SLC27A2: variants seen among roughly 807,000 people sequenced by gnomAD.
SLC27A2 encodes long-chain fatty acid transport protein 2.
Under a neutral mutation model 60.0 loss-of-function variants are expected in SLC27A2, and 54 were observed. That is an observed-to-expected ratio of 0.90 (90% confidence interval 0.72 to 1.13). SLC27A2 has a LOEUF of 1.13. SLC27A2 is among the 50% of genes most tolerant of loss of function. The probability of loss-of-function intolerance (pLI) is 0.00; values close to 1 mark genes in which losing one functional copy is unlikely to be tolerated. For missense variants in SLC27A2, 739 were observed against 777.6 expected, an observed-to-expected ratio of 0.95 and a Z score of 0.59; for synonymous variants, 297 against 297.6, an observed-to-expected ratio of 1.00 and a Z score of 0.02.
At chr15:50,223,188 G>A (rs761649958) in intron 5 of SLC27A2, 29 bp downstream of exon 5, 122 of 1,539,320 alleles carry the variant, frequency 7.9e-5, no homozygotes, top group Non-Finnish European at 9.9e-5. Flanking sequence ...GAGAGCATAC[G>A]TAGCCAGTTT....
At chr15:50,214,937 T>C (rs1252271825) in intron 4 of SLC27A2, among the ~76,000 whole-genome samples, 1 of 152,086 alleles carries the variant, frequency 6.6e-6, no homozygotes, top group Non-Finnish European at 1.5e-5. Flanking sequence ...CCACTCCTCT[T>C]TAACATAGTA....
At chr15:50,208,240 T>C (rs1018155889) in intron 4 of SLC27A2, among the ~76,000 whole-genome samples, 1 of 152,216 alleles carries the variant, frequency 6.6e-6, no homozygotes. Flanking sequence ...GCCCTCTTCT[T>C]AACCATATTC....
Position 50,223,203 on chromosome 15 carries a change from A to G in SLC27A2, c.1167+44A>G, listed in dbSNP as rs754442200. 3.5e-6 allele frequency: 5 copies of G among 1,445,196 alleles called. No individual in the cohort carries two copies. In the East Asian group the frequency reaches 1.2e-4, roughly 34 times the overall value. The allele number at this position is 1,445,196 out of a possible 1,614,324, so 89.5% of individuals were successfully genotyped here. On this transcript the variant is annotated intron_variant, in intron 5 of 9. Transcript: ENST00000267842. ...GAGAGCATACGTAGCCAGTTTTCAG[A>G]ATACAGAGACTTCTTAAAAGCCAAG...
intron 4 of SLC27A2, among the ~76,000 whole-genome samples, chr15:50,216,028 C>T (rs2045192979): frequency 6.6e-6 from 1 of 152,142 alleles, no homozygotes; most frequent in Non-Finnish European, 1.5e-5. Context: ...AACAGACAAC[C>T]CACGGAGTGG....
chr15:50,234,897 A>C (rs577261071), intron 9 of SLC27A2, among the ~76,000 whole-genome samples: 1 of 152,348 alleles, frequency 6.6e-6, no homozygotes, highest in East Asian at 1.9e-4. Context: ...CAGATAGCGC[A>C]AATAGAAATG....
At position 50,226,843 on chromosome 15, in the gene SLC27A2, G is replaced by A. The variant is rs1029978188; in HGVS notation, c.1259-137G>A. The A allele has an allele frequency of 6.3e-6, 4 of 639,218 alleles. No individual in the cohort carries two copies. The African/African-American group carries it at 7.3e-5, about 12-fold the overall frequency. The allele number at this position is 639,218 out of a possible 1,614,324, so 39.6% of individuals were successfully genotyped here. A position where few individuals can be genotyped will look rare whatever the true frequency, so the allele number is the denominator to read the frequency against. On this transcript the variant is annotated intron_variant, in intron 6 of 9. Transcript: ENST00000267842. ...AATATATATGTACATATAATTCACAGGTATACATGCATGGAAAATGATACT... is the reference window on the plus strand; with the variant it reads ...AATATATATGTACATATAATTCACAAGTATACATGCATGGAAAATGATACT...
chr15:50,215,055 C>G (rs1460547477), intron 4 of SLC27A2, among the ~76,000 whole-genome samples: 6 of 152,044 alleles, frequency 3.9e-5, no homozygotes, highest in Non-Finnish European at 8.8e-5. Flanking sequence ...TGATCATTTA[C>G]CTTGAAAACT....
intron 4 of SLC27A2, among the ~76,000 whole-genome samples, chr15:50,210,334 A>G (rs571402485): frequency 2.0e-5 from 3 of 152,346 alleles, no homozygotes; most frequent in South Asian, 2.1e-4. Context: ...CAACTGCAGA[A>G]GTGGGAAAGG....
intron 4 of SLC27A2, among the ~76,000 whole-genome samples, chr15:50,217,533 T>C (rs549871515): frequency 7.9e-5 from 12 of 152,168 alleles, no homozygotes; most frequent in South Asian, 6.2e-4. Flanking sequence ...AGTGTAATTC[T>C]TAGGAAGAAC....
At chr15:50,189,020 T>C (rs2140895133) in intron 1 of SLC27A2, among the ~76,000 whole-genome samples, 1 of 151,164 alleles carries the variant, frequency 6.6e-6, no homozygotes, top group African/African-American at 2.4e-5. Context: ...GATAGATAGA[T>C]AGATAGATGC....
chr15:50,235,877 T>C (rs993905776), intron 9 of SLC27A2, 43 bp from the exon 10 acceptor site: 2 of 1,548,054 alleles, frequency 1.3e-6, no homozygotes, highest in Non-Finnish European at 1.8e-6. Context: ...TCCTAATCTA[T>C]TGCAAAATGC....
At position 50,229,072 on chromosome 15, in the gene SLC27A2, C is replaced by A. The variant is rs781604298; in HGVS notation, c.1555+30C>A. 24 of 1,438,910 alleles carry A rather than the reference C, an allele frequency of 1.7e-5. No individual in the cohort carries two copies. In the East Asian group the frequency reaches 2.5e-4, roughly 15 times the overall value. The allele number at this position is 1,438,910 out of a possible 1,614,324, so 89.1% of individuals were successfully genotyped here. A position where few individuals can be genotyped will look rare whatever the true frequency, so the allele number is the denominator to read the frequency against. On this transcript the variant is annotated intron_variant, in intron 8 of 9. Coordinates refer to ENST00000267842, the MANE Select transcript of SLC27A2 (RefSeq NM_003645.4). ...ATACAAGATATGATCTGTACCTAAC[C>A]CATAGAGTAACTGAACATAATTTTG...
chr15:50,219,369 C>CA (rs777405678), intron 4 of SLC27A2, among the ~76,000 whole-genome samples: 11 of 152,140 alleles, frequency 7.2e-5, no homozygotes, highest in Admixed American at 1.3e-4. Flanking sequence ...AAGGGTCTTT[C>CA]AGGACTATTT....
intron 1 of SLC27A2, among the ~76,000 whole-genome samples, chr15:50,191,817 T>G (rs2044975977): frequency 6.6e-6 from 1 of 152,216 alleles, no homozygotes; most frequent in African/African-American, 2.4e-5. Flanking sequence ...CCCAACACTT[T>G]GGGAGGCCAA....
At chr15:50,211,200 C>T (rs751046602) in intron 4 of SLC27A2, among the ~76,000 whole-genome samples, 1 of 152,208 alleles carries the variant, frequency 6.6e-6, no homozygotes, top group Non-Finnish European at 1.5e-5. Flanking sequence ...GGAATTAAAC[C>T]ACCAAAGTTA....
At chr15:50,202,447 A>G (rs373368184) in intron 2 of SLC27A2, 40 bp from the exon 3 acceptor site, 40 of 1,608,860 alleles carry the variant, frequency 2.5e-5, no homozygotes, top group Non-Finnish European at 3.2e-5. Context: ...TAAATGCCCA[A>G]TCTTGGTTAA....
At chr15:50,210,517 C>T (rs866814073) in intron 4 of SLC27A2, among the ~76,000 whole-genome samples, 3 of 152,284 alleles carry the variant, frequency 2.0e-5, no homozygotes, top group African/African-American at 4.8e-5. Flanking sequence ...AGCCCATTCC[C>T]GCCTGGCACC....
At chr15:50,222,875 A>G in intron 4 of SLC27A2, 90 bp from the exon 5 acceptor site, 1 of 1,059,736 alleles carries the variant, frequency 9.4e-7, no homozygotes, top group Non-Finnish European at 1.4e-6. Context: ...AGTATAAATT[A>G]AATACATACA....
intron 1 of SLC27A2, among the ~76,000 whole-genome samples, chr15:50,195,311 G>GAAAA (rs745744454): frequency 1.3e-4 from 14 of 110,978 alleles, no homozygotes; most frequent in South Asian, 3.2e-4. Flanking sequence ...CTAAAAATAT[G>GAAAA]AAAAAAAAAA....
Sources: allele counts gnomAD v4.1 joint callset (sites outside exome capture counted in the v4.1 genomes callset), GRCh38; gene constraint gnomAD v4.1.1; transcripts MANE v1.5; gene names NCBI Gene and HGNC (gene_info 2026-07-23, HGNC 2026-07-21).